The following CASP2 variants were observed in gnomAD, a reference collection of about 807,000 sequenced individuals.
The protein encoded by CASP2 is caspase 2.
A neutral mutation model predicts 54.4 loss-of-function variants in CASP2; 38 were observed. The ratio of observed to expected loss-of-function variants is 0.70; its 90% confidence interval spans 0.54 to 0.92. The LOEUF is 0.92. Ranked by LOEUF, CASP2 falls within the 40% of genes least tolerant of loss-of-function variation. CASP2 has a pLI of 0.00. For synonymous variants in CASP2, 215 were observed against 216.3 expected, an observed-to-expected ratio of 0.99 and a Z score of 0.05; for missense variants, 512 against 579.6, an observed-to-expected ratio of 0.88 and a Z score of 1.20.
chr7:143,288,633 A>G (rs1179897476), intron 1 of CASP2, 104 bp downstream of exon 1: 12 of 1,094,072 alleles, frequency 1.1e-5, no homozygotes, highest in African/African-American at 3.2e-5. Flanking sequence ...AGCCCCGGAA[A>G]GCAGCCGTGT....
chr7:143,291,780 CTT>C (rs777186983), intron 2 of CASP2, 90 bp downstream of exon 2: 4,756 of 416,262 alleles, frequency 0.011, no homozygotes, highest in East Asian at 0.029. Flanking sequence ...ATCTTTCTTC[CTT>C]TTTTTTTTTT....
chr7:143,294,446 G>C, intron 5 of CASP2, 122 bp downstream of exon 5: 1 of 1,025,416 alleles, frequency 9.8e-7, no homozygotes, highest in Non-Finnish European at 1.5e-6. Context: ...GTTGTTACTG[G>C]TTAAATGCCT....
chr7:143,295,216 C>T (rs1443546678), intron 6 of CASP2, among the ~76,000 whole-genome samples: 1 of 152,000 alleles, frequency 6.6e-6, no homozygotes, highest in African/African-American at 2.4e-5. Flanking sequence ...TTAGTAGAGA[C>T]GGGGTTTTGC....
At position 143,292,617 on chromosome 7, in the gene CASP2, T is replaced by C. The variant is rs757120333; in HGVS notation, c.394T>C (p.Leu132=). 1 of 1,613,870 alleles carries C rather than the reference T, an allele frequency of 6.2e-7. No homozygotes were observed. Among genetic ancestry groups the C allele is most frequent in the South Asian group, 1.1e-5 (1 of 91,066 alleles). ...LSGLQHVLPP[L]SCDYDLSLPF... is the part of the protein sequence containing the mutation. Reference sequence around the variant, plus strand: ...CATCATGAGTTTTGATTTCTTACAGTTGAGCTGTGACTACGACTTGAGTCT... The same window carrying C: ...CATCATGAGTTTTGATTTCTTACAGCTGAGCTGTGACTACGACTTGAGTCT... Residue 132 remains leucine, a splice_region_variant and synonymous_variant, in exon 4 of 11, where the codon TTG becomes CTG. Transcript: ENST00000310447.
At chr7:143,304,230 G>A (rs1802002016) in intron 9 of CASP2, among the ~76,000 whole-genome samples, 2 of 152,132 alleles carry the variant, frequency 1.3e-5, no homozygotes, top group South Asian at 2.1e-4. Flanking sequence ...TTGGATTTGG[G>A]ATGCTCAGCT....
At position 143,300,230 on chromosome 7, in the gene CASP2, C is replaced by T. The variant is rs767747070; in HGVS notation, c.903C>T (p.Asp301=). The part of the protein sequence containing the change: ...LQLQEVFQLF[D]NANCPSLQNK... ...TCCAAGAGGTTTTTCAGCTCTTTGA[C>T]AACGCCAACTGCCCAAGCCTACAGA... The change falls in exon 8 of 11, where the codon GAC becomes GAT. Residue 301 remains aspartate (D), a synonymous_variant. Transcript: ENST00000310447. 1.9e-6 allele frequency: 3 copies of T among 1,614,152 alleles called. No homozygotes were observed. In the Admixed American group the frequency reaches 5.0e-5, roughly 27 times the overall value.
chr7:143,295,428 G>A (rs895279510), intron 6 of CASP2, among the ~76,000 whole-genome samples: 24 of 152,278 alleles, frequency 1.6e-4, no homozygotes, highest in African/African-American at 4.6e-4. Flanking sequence ...TGGGCTGTTC[G>A]TCATTAACCT....
chr7:143,292,159 A>C, intron 2 of CASP2, 141 bp from the exon 3 acceptor site: 1 of 778,164 alleles, frequency 1.3e-6, no homozygotes, highest in South Asian at 1.5e-5. Flanking sequence ...CTCAAGAATA[A>C]CAGAAAGGAC....
intron 8 of CASP2, 45 bp downstream of exon 8, chr7:143,300,339 A>T (rs1448314834): frequency 6.2e-7 from 1 of 1,608,700 alleles, no homozygotes. Flanking sequence ...GCTCCTGGGC[A>T]GCCTCCCACC....
At chr7:143,304,050 T>G in intron 9 of CASP2, 117 bp downstream of exon 9, 1 of 1,091,462 alleles carries the variant, frequency 9.2e-7, no homozygotes, top group Non-Finnish European at 1.3e-6. Flanking sequence ...CAGAAGTGTT[T>G]CAGATTTTGG....
intron 1 of CASP2, chr7:143,289,588 A>G (rs2116757107): frequency 1.0e-6 from 1 of 980,464 alleles, no homozygotes; most frequent in Non-Finnish European, 1.2e-6. Flanking sequence ...CATGGAAACC[A>G]GAGGAAGAGA....
At chr7:143,298,878 T>G (rs891213567) in intron 6 of CASP2, 11 of 151,996 alleles carry the variant, frequency 7.2e-5, no homozygotes, top group African/African-American at 2.2e-4. Context: ...CAGTAATAGA[T>G]TTCTTTGAGA....
chr7:143,288,669 G>T (rs944673707), intron 1 of CASP2, 140 bp downstream of exon 1: 2 of 762,824 alleles, frequency 2.6e-6, no homozygotes, highest in Non-Finnish European at 4.2e-6. Flanking sequence ...AGGGTGGGAC[G>T]CCCGCCCGAG....
rs774184309 is a variant in CASP2 at position 143,294,300 on chromosome 7, A to G, written c.546A>G (p.Glu182=). ...TTCAGGTGAAGCCTTGCACTCCTGA[A>G]TTTTATCAAACACACTTCCAGCTGG... ...VCLQVKPCTP[E]FYQTHFQLAY... is the part of the protein sequence containing the mutation. The change falls in exon 5 of 11, where the codon GAA becomes GAG. Residue 182 remains glutamate, a synonymous_variant. Coordinates refer to ENST00000310447, the MANE Select transcript of CASP2 (RefSeq NM_032982.4). 317 of 1,610,634 alleles carry G rather than the reference A, an allele frequency of 2.0e-4. No individual in the cohort carries two copies. The highest frequency in any genetic ancestry group is 2.6e-4 in the Non-Finnish European group (309 of 1,176,968).
At chr7:143,290,156 G>C (rs1245126504) in intron 1 of CASP2, among the ~76,000 whole-genome samples, 2 of 149,392 alleles carry the variant, frequency 1.3e-5, no homozygotes, top group African/African-American at 5.0e-5. Context: ...CATCTCCAAG[G>C]TTCAAGCGAT....
intron 1 of CASP2, 30 bp downstream of exon 1, chr7:143,288,559 A>G: frequency 1.3e-6 from 2 of 1,566,434 alleles, no homozygotes; most frequent in Non-Finnish European, 1.8e-6. Flanking sequence ...AGGGCTCCTT[A>G]GGGGAGCCCA....
chr7:143,289,754 C>T (rs1801497466), intron 1 of CASP2: 1 of 278,688 alleles, frequency 3.6e-6, no homozygotes, highest in Non-Finnish European at 5.4e-6. Flanking sequence ...ATTTGTATAG[C>T]TCTTTTTCTT....
intron 6 of CASP2, among the ~76,000 whole-genome samples, chr7:143,296,544 G>C (rs1177940712): frequency 1.3e-5 from 2 of 152,182 alleles, no homozygotes; most frequent in African/African-American, 4.8e-5. Flanking sequence ...GAGAGGAGTG[G>C]TGAAGCCACC....
At position 143,305,138 on chromosome 7, in the gene CASP2, G is replaced by T; in HGVS notation, c.*67G>T. On this transcript the variant is annotated 3_prime_UTR_variant, in exon 11 of 11. Coordinates refer to ENST00000310447, the MANE Select transcript of CASP2 (RefSeq NM_032982.4). Reference sequence around the variant, plus strand: ...CCACAGGAGGTGTGATAGAGCCTTTGATCTTCAGGATGCACGGTTTCTGTT... The same window carrying T: ...CCACAGGAGGTGTGATAGAGCCTTTTATCTTCAGGATGCACGGTTTCTGTT... The T allele has an allele frequency of 6.3e-7, 1 of 1,587,094 alleles. No individual in the cohort carries two copies. Among genetic ancestry groups the T allele is most frequent in the South Asian group, 1.1e-5 (1 of 90,260 alleles).
Sources: allele counts gnomAD v4.1 joint callset (sites outside exome capture counted in the v4.1 genomes callset), GRCh38; gene constraint gnomAD v4.1.1; transcripts MANE v1.5; gene names NCBI Gene and HGNC (gene_info 2026-07-23, HGNC 2026-07-21).